Variants in RABGAP1L observed in about 807,000 individuals in gnomAD.
RABGAP1L encodes the protein rab GTPase-activating protein 1-like.
RABGAP1L carries 63 observed loss-of-function variants against 137.7 expected under a neutral mutation model. The ratio of observed to expected loss-of-function variants is 0.46; its 90% CI spans 0.37 to 0.56. The LOEUF (loss-of-function observed/expected upper bound fraction) is 0.56, where lower values mean the gene tolerates loss of function less well. RABGAP1L is among the 20% of genes least tolerant of loss of function. The probability of loss-of-function intolerance (pLI) is 0.00; values close to 1 mark genes in which losing one functional copy is unlikely to be tolerated. For missense variants in RABGAP1L, 1,095 were observed against 1,244.0 expected, an observed-to-expected ratio of 0.88 and a Z score of 1.80; for synonymous variants, 431 against 433.7, an observed-to-expected ratio of 0.99 and a Z score of 0.08.
chr1:174,629,587 A>C (rs925367884), intron 13 of RABGAP1L, among the ~76,000 whole-genome samples: 18 of 152,066 alleles, frequency 1.2e-4, no homozygotes, highest in African/African-American at 4.3e-4. Context: ...CAGTGGCACG[A>C]TCTCGGCTCA....
intron 11 of RABGAP1L, among the ~76,000 whole-genome samples, chr1:174,366,491 T>C (rs1441490206): frequency 2.6e-5 from 4 of 152,076 alleles, no homozygotes; most frequent in African/African-American, 9.7e-5. Flanking sequence ...AGCACTAGGC[T>C]GGGCACGGTG....
intron 18 of RABGAP1L, among the ~76,000 whole-genome samples, chr1:174,807,346 A>G (rs1204329091): frequency 6.6e-6 from 1 of 152,228 alleles, no homozygotes; most frequent in African/African-American, 2.4e-5. Context: ...TTATGATTGA[A>G]AAAGTATTCT....
chr1:174,254,716 T>C (rs1672978666), intron 7 of RABGAP1L, among the ~76,000 whole-genome samples: 1 of 152,196 alleles, frequency 6.6e-6, no homozygotes, highest in African/African-American at 2.4e-5. Flanking sequence ...ATGTGCCACA[T>C]TTTCTTTATC....
chr1:174,469,475 T>C (rs1249231147), intron 13 of RABGAP1L, among the ~76,000 whole-genome samples: 1 of 152,228 alleles, frequency 6.6e-6, no homozygotes, highest in Non-Finnish European at 1.5e-5. Context: ...GCAACTACCT[T>C]AGTCCTCCTA....
intron 13 of RABGAP1L, among the ~76,000 whole-genome samples, chr1:174,572,555 G>C (rs1668060514): frequency 6.6e-6 from 1 of 151,982 alleles, no homozygotes; most frequent in African/African-American, 2.4e-5. Context: ...GCTAATTTTT[G>C]TATTTTTAGT....
intron 18 of RABGAP1L, among the ~76,000 whole-genome samples, chr1:174,782,362 CTGTT>C (rs1332756911): frequency 2.6e-5 from 4 of 152,116 alleles, no homozygotes; most frequent in African/African-American, 7.2e-5. Context: ...ATTTGGCTCT[CTGTT>C]TGTCTGTTAT....
At chr1:174,800,297 T>A (rs2148821813) in intron 18 of RABGAP1L, 6 of 1,537,580 alleles carry the variant, frequency 3.9e-6, no homozygotes, top group Non-Finnish European at 4.4e-6. Flanking sequence ...GGATAAGAGA[T>A]CCATCTTTCT....
At chr1:174,863,311 G>A (rs1047547917) in intron 19 of RABGAP1L, among the ~76,000 whole-genome samples, 3 of 147,766 alleles carry the variant, frequency 2.0e-5, no homozygotes, top group African/African-American at 7.5e-5. Context: ...TAACATTGCT[G>A]TATTTGTCAT....
chr1:174,565,883 CAT>C lies in RABGAP1L; in HGVS notation c.1711-71491_1711-71490del, dbSNP rs1491536373. On this transcript the variant is annotated intron_variant, in intron 13 of 25. Transcript: ENST00000681986. ...ATACTTACAGTTGGTGAATCCTTTA[CAT>C]TTTTTTTTTTTTTTTTTTGAGACAG... 3.0e-5 allele frequency among the ~76,000 whole-genome samples: 4 copies of C among 133,186 alleles called. 1 individual carries two copies. Among genetic ancestry groups the C allele is most frequent in the African/African-American group, 5.4e-5 (2 of 37,032 alleles). The allele number at this position is 133,186 out of a possible 152,430, so 87.4% of individuals were successfully genotyped here. A position where few individuals can be genotyped will look rare whatever the true frequency, so the allele number is the denominator to read the frequency against.
intron 19 of RABGAP1L, among the ~76,000 whole-genome samples, chr1:174,850,966 A>G (rs1460448854): frequency 6.6e-6 from 1 of 152,232 alleles, no homozygotes; most frequent in Non-Finnish European, 1.5e-5. Flanking sequence ...GACAGCTAGC[A>G]AGGGAACTGG....
chr1:174,282,619 G>C (rs900438250), intron 10 of RABGAP1L, among the ~76,000 whole-genome samples: 1 of 151,930 alleles, frequency 6.6e-6, no homozygotes, highest in Admixed American at 6.6e-5. Flanking sequence ...TTTACATTTC[G>C]ATGAAGTCAT....
chr1:174,639,962 A>T (rs1323298884), intron 14 of RABGAP1L, among the ~76,000 whole-genome samples: 1 of 152,194 alleles, frequency 6.6e-6, no homozygotes, highest in Non-Finnish European at 1.5e-5. Context: ...AATGAAGAAT[A>T]TTGTAAAATG....
intron 14 of RABGAP1L, among the ~76,000 whole-genome samples, chr1:174,642,103 A>G (rs566129241): frequency 2.2e-4 from 34 of 152,264 alleles, no homozygotes; most frequent in Middle Eastern, 3.4e-3. Flanking sequence ...GTGATATTTG[A>G]TGTACAATTT....
At chr1:174,723,762 C>T (rs568549992) in intron 17 of RABGAP1L, among the ~76,000 whole-genome samples, 3 of 152,154 alleles carry the variant, frequency 2.0e-5, no homozygotes, top group African/African-American at 7.2e-5. Flanking sequence ...AAAACTTGTC[C>T]AAAGAGATAT....
In RABGAP1L at chr1:174,724,505, TTG is replaced by T. The variant is rs1681828185; in HGVS notation, c.2169+22251_2169+22252del. On this transcript the variant is annotated intron_variant, in intron 17 of 25. Transcript: ENST00000681986. ...TTCCAAATTGTTTTGAAGTGAGGCT[TTG>T]TCTTTTCTCTAGAAAAATAGATAAT... Among the ~76,000 whole-genome samples the T allele has an allele frequency of 2.0e-5, 3 of 152,350 alleles. No individual in the cohort carries two copies. The South Asian group carries it at 6.2e-4, about 32-fold the overall frequency.
At chr1:174,228,488 A>G (rs970565097) in intron 3 of RABGAP1L, among the ~76,000 whole-genome samples, 1 of 152,162 alleles carries the variant, frequency 6.6e-6, no homozygotes, top group Non-Finnish European at 1.5e-5. Context: ...AAAGTATGTA[A>G]AAACATACAT....
At chr1:174,443,342 T>C (rs892629867) in intron 13 of RABGAP1L, among the ~76,000 whole-genome samples, 3 of 152,072 alleles carry the variant, frequency 2.0e-5, no homozygotes, top group African/African-American at 7.2e-5. Context: ...CCCCCAATAG[T>C]GTATGAGTGT....
intron 12 of RABGAP1L, among the ~76,000 whole-genome samples, chr1:174,386,048 T>A (rs184428640): frequency 6.6e-6 from 1 of 152,212 alleles, no homozygotes; most frequent in East Asian, 1.9e-4. Context: ...GAGGACATAA[T>A]TGTAGGATAA....
At chr1:174,281,782 T>A (rs1675585042) in intron 10 of RABGAP1L, among the ~76,000 whole-genome samples, 2 of 152,312 alleles carry the variant, frequency 1.3e-5, no homozygotes, top group South Asian at 4.1e-4. Flanking sequence ...TACATTTTGA[T>A]GAGTTTTGAC....
Sources: allele counts gnomAD v4.1 joint callset (sites outside exome capture counted in the v4.1 genomes callset), GRCh38; gene constraint gnomAD v4.1.1; transcripts MANE v1.5; gene names NCBI Gene and HGNC (gene_info 2026-07-23, HGNC 2026-07-21).